The following CAMSAP2 variants were observed in gnomAD, a reference collection of about 807,000 sequenced individuals.
CAMSAP2 encodes the protein calmodulin regulated spectrin associated protein family member 2.
In CAMSAP2, 26 loss-of-function variants were observed where a neutral mutation model predicts 146.1. The observed-to-expected ratio is 0.18, with a 90% CI of 0.13 to 0.25. The LOEUF is 0.25. Ranked by LOEUF, CAMSAP2 falls within the 10% of genes least tolerant of loss-of-function variation. CAMSAP2 has a pLI of 1.00. For missense variants in CAMSAP2, 1,381 were observed against 1,759.3 expected (o/e 0.78, Z 3.85); for synonymous variants, 499 against 596.6 (o/e 0.84, Z 2.38).
At chr1:200,758,782 G>A (rs866436314) in intron 1 of CAMSAP2, among the ~76,000 whole-genome samples, 19 of 152,130 alleles carry the variant, frequency 1.2e-4, no homozygotes, top group South Asian at 8.3e-4. Context: ...CCCTCATAAC[G>A]TAGGCTTATT....
intron 2 of CAMSAP2, among the ~76,000 whole-genome samples, chr1:200,806,765 GTATCTATCTATCTATCTA>G (rs1666185381): frequency 7.1e-6 from 1 of 140,118 alleles, no homozygotes; most frequent in Admixed American, 7.4e-5. Context: ...GTGTGTGTGT[GTATCTATCTATCTATCTA>G]TCTATCTATC....
chr1:200,764,877 G>T (rs918370717), intron 2 of CAMSAP2, among the ~76,000 whole-genome samples: 1 of 152,194 alleles, frequency 6.6e-6, no homozygotes, highest in Admixed American at 6.5e-5. Context: ...GCCAAGGCGG[G>T]TGGTTCACCT....
chr1:200,789,325 T>C (rs1665683964), intron 2 of CAMSAP2, among the ~76,000 whole-genome samples: 1 of 152,180 alleles, frequency 6.6e-6, no homozygotes, highest in Non-Finnish European at 1.5e-5. Context: ...TACATTTAGG[T>C]CTGTGATTCA....
At chr1:200,783,049 G>A (rs927560556) in intron 2 of CAMSAP2, among the ~76,000 whole-genome samples, 1 of 151,668 alleles carries the variant, frequency 6.6e-6, no homozygotes, top group African/African-American at 2.4e-5. Flanking sequence ...ACAGGCCTGA[G>A]CCACTGCACC....
intron 1 of CAMSAP2, among the ~76,000 whole-genome samples, chr1:200,748,001 A>AAG (rs1664387961): frequency 6.6e-6 from 1 of 151,734 alleles, no homozygotes; most frequent in African/African-American, 2.4e-5. Flanking sequence ...AAAAAAAAAA[A>AAG]AAAAGAAAAT....
intron 1 of CAMSAP2, among the ~76,000 whole-genome samples, chr1:200,741,860 C>G (rs1163232260): frequency 6.6e-6 from 1 of 152,162 alleles, no homozygotes; most frequent in Non-Finnish European, 1.5e-5. Flanking sequence ...TAACAAGTCT[C>G]TGATGTAGGT....
At position 200,847,335 on chromosome 1, in the gene CAMSAP2, G is replaced by A. The variant is rs530714161; in HGVS notation, c.1192+43G>A. The stretch of plus-strand genomic sequence containing the variant: ...GCCTAGGAAAATACTCTTTTAAGTA[G>A]GTTACCTGGGAAATGATTGACAGTA... On this transcript the variant is annotated intron_variant, in intron 9 of 16. Transcript: ENST00000358823. The A allele has an allele frequency of 9.0e-6, 12 of 1,337,396 alleles. No homozygotes were observed. In the East Asian group the frequency reaches 2.5e-4, roughly 28 times the overall value. The allele number at this position is 1,337,396 out of a possible 1,614,324, so 82.8% of individuals were successfully genotyped here.
chr1:200,743,940 CAATAAATAAATAAATAAATA>C (rs57009637), intron 1 of CAMSAP2, among the ~76,000 whole-genome samples: 22 of 147,764 alleles, frequency 1.5e-4, no homozygotes, highest in African/African-American at 4.8e-4. Context: ...GACTCTGTCT[CAATAAATAAATAAATAAATA>C]AATAAATAAA....
rs530346023 is a variant in CAMSAP2 at position 200,817,183 on chromosome 1, C to T, written c.645+1539C>T. Among the ~76,000 whole-genome samples the T allele has an allele frequency of 4.4e-3, 292 of 66,312 alleles. 4 individuals carry two copies. Among genetic ancestry groups the T allele is most frequent in the Non-Finnish European group, 5.8e-3 (218 of 37,484 alleles). 43.5% of individuals were successfully genotyped at this position (66,312 alleles called of 152,430 possible). On this transcript the variant is annotated intron_variant, in intron 4 of 16. Coordinates refer to ENST00000358823, the MANE Select transcript of CAMSAP2 (RefSeq NM_203459.4). ...ACACACACGTGTGTGTATATACACA[C>T]ACACACATGTGTGTGTGTATACACA... is the stretch of plus-strand genomic sequence containing the variant.
intron 4 of CAMSAP2, among the ~76,000 whole-genome samples, chr1:200,820,365 A>G (rs1666725051): frequency 6.6e-6 from 1 of 152,168 alleles, no homozygotes; most frequent in Non-Finnish European, 1.5e-5. Context: ...AATGTTTCTC[A>G]AAGTATTAAA....
intron 2 of CAMSAP2, among the ~76,000 whole-genome samples, chr1:200,781,351 A>G (rs548558875): frequency 2.0e-3 from 306 of 152,338 alleles, no homozygotes; most frequent in African/African-American, 6.7e-3. Context: ...AGCAGCAATT[A>G]TGTTGAGTGG....
chr1:200,776,096 C>T (rs980454011), intron 2 of CAMSAP2, among the ~76,000 whole-genome samples: 2 of 151,884 alleles, frequency 1.3e-5, no homozygotes, highest in Non-Finnish European at 2.9e-5. Flanking sequence ...TATACCAAAA[C>T]ATTTTGCCAA....
intron 2 of CAMSAP2, among the ~76,000 whole-genome samples, chr1:200,795,866 T>C (rs74483184): frequency 6.6e-6 from 1 of 152,316 alleles, no homozygotes; most frequent in East Asian, 1.9e-4. Flanking sequence ...CAGAATTAAA[T>C]AGCAGTTAAA....
chr1:200,807,242 T>C (rs1666201283), intron 2 of CAMSAP2, 134 bp from the exon 3 acceptor site: 2 of 570,250 alleles, frequency 3.5e-6, no homozygotes, highest in Non-Finnish European at 5.5e-6. Context: ...GTACAATTTA[T>C]GCTTTCTTAT....
chr1:200,760,758 C>A, intron 1 of CAMSAP2, 81 bp from the exon 2 acceptor site: 1 of 1,018,312 alleles, frequency 9.8e-7, no homozygotes, highest in Non-Finnish European at 1.4e-6. Flanking sequence ...AATTCTATGA[C>A]ATAAATAATA....
At chr1:200,824,903 C>T (rs1224645375) in intron 4 of CAMSAP2, among the ~76,000 whole-genome samples, 48 of 152,096 alleles carry the variant, frequency 3.2e-4, no homozygotes, top group Admixed American at 2.9e-3. Flanking sequence ...TGCTTGAGCC[C>T]GGGAGGCGGA....
Position 200,857,797 on chromosome 1 carries a change from G to A in CAMSAP2, c.4175G>A (p.Arg1392Gln). ...SDANNFLILF[R>Q]DSGCQFRSLY... ...GCCAACAACTTCTTAATCTTGTTCCGGGATTCAGGATGCCAGTTCAGATCT... is the reference window on the plus strand; with the variant it reads ...GCCAACAACTTCTTAATCTTGTTCCAGGATTCAGGATGCCAGTTCAGATCT... The change falls in exon 17 of 17, where the codon CGG becomes CAG. Residue 1392 changes from arginine (R) to glutamine (Q), a missense_variant. Physicochemically the swap from Arg to Gln is conservative, Grantham distance 43. Coordinates refer to ENST00000358823, the MANE Select transcript of CAMSAP2 (RefSeq NM_203459.4). This position sits in a 1 kb window ranked among gnomAD's most constrained non-coding sequence, Gnocchi z 4.7. The A allele has an allele frequency of 1.9e-6, 3 of 1,607,024 alleles. No individual in the cohort carries two copies. The highest frequency in any genetic ancestry group is 1.3e-5 in the African/African-American group (1 of 74,612).
chr1:200,763,494 C>A (rs902741655), intron 2 of CAMSAP2, among the ~76,000 whole-genome samples: 2 of 151,828 alleles, frequency 1.3e-5, no homozygotes, highest in Non-Finnish European at 2.9e-5. Flanking sequence ...AGCCGAGATT[C>A]CGCTACTGCA....
At chr1:200,776,741 C>T (rs760168101) in intron 2 of CAMSAP2, among the ~76,000 whole-genome samples, 1 of 151,982 alleles carries the variant, frequency 6.6e-6, no homozygotes. Context: ...CAAAACAAAA[C>T]AACAACAACA....
Sources: allele counts gnomAD v4.1 joint callset (sites outside exome capture counted in the v4.1 genomes callset), GRCh38; gene constraint gnomAD v4.1.1; non-coding constraint Gnocchi (gnomAD v3.1); transcripts MANE v1.5; gene names NCBI Gene and HGNC (gene_info 2026-07-23, HGNC 2026-07-21).